FARP1: variants seen among roughly 807,000 people sequenced by gnomAD.
The protein encoded by FARP1 is FERM, ARH/RhoGEF and pleckstrin domain protein 1.
FARP1 carries 52 observed loss-of-function variants against 128.8 expected under a neutral mutation model. The observed-to-expected ratio is 0.40, with a 90% confidence interval of 0.32 to 0.51. The LOEUF is 0.51. Ranked by LOEUF, FARP1 falls within the 20% of genes least tolerant of loss-of-function variation. The pLI is 0.45. For missense variants in FARP1, 1,333 were observed against 1,367.9 expected (o/e 0.97, Z 0.40); for synonymous variants, 580 against 551.8 (o/e 1.05, Z -0.72).
chr13:98,151,822 C>T (rs1011789762), intron 1 of FARP1, among the ~76,000 whole-genome samples: 4 of 151,426 alleles, frequency 2.6e-5, no homozygotes, highest in African/African-American at 4.9e-5. Flanking sequence ...CCACCACGCC[C>T]GGCTAATTTT....
Position 98,176,530 on chromosome 13 carries a change from C to G in FARP1, c.-24+33038C>G. ...TTCATGGTTTTCGTCCTCGCAGATA[C>G]AGTAGCGACCCTCTTCAAGCTCCCG... On this transcript the variant is annotated intron_variant, in intron 1 of 26. Transcript: ENST00000319562. This position sits in a 1 kb window ranked among gnomAD's most constrained non-coding sequence, Gnocchi z 6.2. The G allele has an allele frequency of 6.2e-7, 1 of 1,614,184 alleles. No individual in the cohort carries two copies. Among genetic ancestry groups the G allele is most frequent in the Non-Finnish European group, 8.5e-7 (1 of 1,180,030 alleles).
intron 1 of FARP1, among the ~76,000 whole-genome samples, chr13:98,196,717 T>C (rs1879589072): frequency 6.6e-6 from 1 of 152,212 alleles, no homozygotes; most frequent in Non-Finnish European, 1.5e-5. Context: ...TGATAGCGCC[T>C]AAATAATTTT....
At position 98,395,275 on chromosome 13, in the gene FARP1, G is replaced by C. The variant is rs374386089; in HGVS notation, c.1213G>C (p.Gly405Arg). ...LTFGEGAESP[G>R]GQSCRRGKEP... ...ATTTGGAGAAGGTGCCGAATCTCCA[G>C]GGGGCCAGAGCTGCCGGCGAGGAAA... The change falls in exon 13 of 27, where the codon GGG becomes CGG. Residue 405 changes from glycine to arginine, a missense_variant. Gly to Arg is a moderately radical substitution (Grantham distance 125, BLOSUM62 -2). Transcript: ENST00000319562. 1 of 1,607,454 alleles carries C rather than the reference G, an allele frequency of 6.2e-7. No individual in the cohort carries two copies. Among genetic ancestry groups the C allele is most frequent in the South Asian group, 1.1e-5 (1 of 90,924 alleles).
chr13:98,271,511 T>C (rs1395792681), intron 2 of FARP1, among the ~76,000 whole-genome samples: 1 of 152,076 alleles, frequency 6.6e-6, no homozygotes, highest in Non-Finnish European at 1.5e-5. Context: ...GTCATCTAGG[T>C]TTTAAGCCCC....
intron 2 of FARP1, among the ~76,000 whole-genome samples, chr13:98,235,933 C>G (rs546667503): frequency 6.6e-6 from 1 of 152,028 alleles, no homozygotes; most frequent in Non-Finnish European, 1.5e-5. Flanking sequence ...AAGCAATTCC[C>G]CTGCCTCAGC....
intron 2 of FARP1, among the ~76,000 whole-genome samples, chr13:98,294,933 C>T (rs1460136987): frequency 6.6e-6 from 1 of 151,784 alleles, no homozygotes; most frequent in African/African-American, 2.4e-5. Context: ...AGGATAATCG[C>T]TTGATCCCGA....
intron 2 of FARP1, among the ~76,000 whole-genome samples, chr13:98,278,172 A>AGTGTGTGTGTGTGT (rs58097403): frequency 1.9e-4 from 28 of 149,966 alleles, no homozygotes; most frequent in African/African-American, 5.9e-4. Context: ...TGAGTGAGTG[A>AGTGTGTGTGTGTGT]GTGTGTGTGT....
At chr13:98,283,179 A>G (rs755251031) in intron 2 of FARP1, among the ~76,000 whole-genome samples, 3 of 152,220 alleles carry the variant, frequency 2.0e-5, no homozygotes, top group African/African-American at 4.8e-5. Flanking sequence ...GCTATAATCT[A>G]TATGCTTTGA....
At chr13:98,202,182 T>G (rs1473417806) in intron 1 of FARP1, among the ~76,000 whole-genome samples, 1 of 152,224 alleles carries the variant, frequency 6.6e-6, no homozygotes, top group Non-Finnish European at 1.5e-5. Flanking sequence ...GCTCCTGGCG[T>G]GTGGCTCCCC....
rs1892493027 is a variant in FARP1 at position 98,440,793 on chromosome 13, G to A, written c.2753G>A (p.Arg918His). The A allele has an allele frequency of 1.9e-6, 3 of 1,612,136 alleles. No homozygotes were observed. The highest frequency in any genetic ancestry group is 2.2e-5 in the East Asian group (1 of 44,840). Residue 918 changes from arginine to histidine, a missense_variant, in exon 24 of 27, where the codon CGC becomes CAC. Transcript: ENST00000319562. ...GNTMVHVCWH[R>H]NTSVSMVDFS... ...ACAATGGTGCACGTGTGCTGGCACC[G>A]CAACACCAGCGTCTCCATGGTGGAC...
intron 1 of FARP1, among the ~76,000 whole-genome samples, chr13:98,212,334 G>C (rs1417327278): frequency 6.6e-6 from 1 of 152,176 alleles, no homozygotes; most frequent in African/African-American, 2.4e-5. Flanking sequence ...GGGATTACAG[G>C]CGTGAGCCAC....
chr13:98,402,307 T>C (rs112453768), intron 13 of FARP1: 1 of 152,408 alleles, frequency 6.6e-6, no homozygotes, highest in African/African-American at 2.4e-5. Flanking sequence ...CGGGCAGGTG[T>C]GCGTGTGTGG....
At chr13:98,422,565 C>A (rs1183187903) in intron 16 of FARP1, among the ~76,000 whole-genome samples, 3 of 152,026 alleles carry the variant, frequency 2.0e-5, no homozygotes, top group Admixed American at 2.0e-4. Flanking sequence ...GTTTGGGTGC[C>A]CTCAGTCTTT....
intron 1 of FARP1, among the ~76,000 whole-genome samples, chr13:98,195,473 A>G (rs1879511998): frequency 6.6e-6 from 1 of 152,022 alleles, no homozygotes; most frequent in Non-Finnish European, 1.5e-5. Flanking sequence ...AACTATATTT[A>G]TTTAAGGGCA....
At chr13:98,311,834 T>G (rs1301311724) in intron 2 of FARP1, among the ~76,000 whole-genome samples, 1 of 140,402 alleles carries the variant, frequency 7.1e-6, no homozygotes, top group East Asian at 2.2e-4. Context: ...TTCGTTTTGT[T>G]TTTTTTTGTT....
At chr13:98,337,203 CTAAAAA>C (rs1171022951) in intron 2 of FARP1, among the ~76,000 whole-genome samples, 1 of 152,056 alleles carries the variant, frequency 6.6e-6, no homozygotes, top group Non-Finnish European at 1.5e-5. Flanking sequence ...CTCGTCTCTA[CTAAAAA>C]TAAAAATAAA....
intron 3 of FARP1, among the ~76,000 whole-genome samples, chr13:98,349,042 G>A (rs779242285): frequency 1.3e-5 from 2 of 152,204 alleles, no homozygotes; most frequent in African/African-American, 4.8e-5. Context: ...TGCACAAACC[G>A]TAACAGCAGA....
Position 98,380,944 on chromosome 13 carries a change from A to G in FARP1, c.496+3026A>G, listed in dbSNP as rs185461812. 2.6e-5 allele frequency among the ~76,000 whole-genome samples: 4 copies of G among 152,312 alleles called. No individual in the cohort carries two copies. The East Asian group carries it at 7.7e-4, about 29-fold the overall frequency. On this transcript the variant is annotated intron_variant, in intron 6 of 26. Transcript: ENST00000319562. ...TAAAAAAAATAAAGGTCTGTTAACA[A>G]TAGTGAATTTCACTTGCATATCTGG...
intron 6 of FARP1, among the ~76,000 whole-genome samples, chr13:98,381,052 A>G (rs1191788707): frequency 1.3e-5 from 2 of 152,206 alleles, no homozygotes; most frequent in Admixed American, 6.5e-5. Context: ...AAGTGGCTCA[A>G]AATCCCCAAA....
Sources: allele counts gnomAD v4.1 joint callset (sites outside exome capture counted in the v4.1 genomes callset), GRCh38; gene constraint gnomAD v4.1.1; non-coding constraint Gnocchi (gnomAD v3.1); transcripts MANE v1.5; gene names NCBI Gene and HGNC (gene_info 2026-07-23, HGNC 2026-07-21).